The following NAPSA variants were observed in gnomAD, a reference collection of about 807,000 sequenced individuals.
The protein encoded by NAPSA is napsin-A.
Under a neutral mutation model 36.7 loss-of-function variants are expected in NAPSA, and 37 were observed. The ratio of observed to expected loss-of-function variants is 1.01; its 90% CI spans 0.78 to 1.33. The LOEUF (loss-of-function observed/expected upper bound fraction) is 1.33. NAPSA is among the 40% of genes most tolerant of loss of function. The pLI, the probability that NAPSA is intolerant of heterozygous loss-of-function variation, is 0.00. For missense variants in NAPSA, 532 were observed against 543.8 expected, an observed-to-expected ratio of 0.98 and a Z score of 0.21; for synonymous variants, 222 against 234.5, an observed-to-expected ratio of 0.95 and a Z score of 0.49.
upstream of NAPSA, chr19:50,365,701 A>C: frequency 1.6e-6 from 2 of 1,215,984 alleles, no homozygotes; most frequent in African/African-American, 1.5e-5. Flanking sequence ...TTCATGCCCC[A>C]CCTCCAGGTT....
At position 50,364,771 on chromosome 19, in the gene NAPSA, T is replaced by G. The variant is rs149089971; in HGVS notation, c.83+768A>C. On this transcript the variant is annotated intron_variant, in intron 1 of 8. Coordinates refer to ENST00000253719, the MANE Select transcript of NAPSA (RefSeq NM_004851.3). ...ACTTTTGGAGGCTGAGGCGGAAAGATCACTTGAGGTCAGGAGTTCAAGACA... is the reference window on the plus strand; with the variant it reads ...ACTTTTGGAGGCTGAGGCGGAAAGAGCACTTGAGGTCAGGAGTTCAAGACA... Among the ~76,000 whole-genome samples the G allele has an allele frequency of 6.7e-5, 10 of 150,164 alleles. No individual in the cohort carries two copies. The East Asian group carries it at 1.8e-3, about 27-fold the overall frequency.
At chr19:50,362,481 C>A (rs1474869807) in intron 1 of NAPSA, 168 bp from the exon 2 acceptor site, 1 of 558,078 alleles carries the variant, frequency 1.8e-6, no homozygotes, top group East Asian at 3.1e-5. Flanking sequence ...ATCAAAGATG[C>A]CATGATGACA....
At chr19:50,366,567 T>C (rs971157889), upstream of NAPSA, among the ~76,000 whole-genome samples, 3 of 152,182 alleles carry the variant, frequency 2.0e-5, no homozygotes, top group Admixed American at 6.5e-5. Context: ...TGGTGGCTTA[T>C]TTGATTTGTT....
Position 50,362,022 on chromosome 19 carries a change from G to A in NAPSA, c.296C>T (p.Ser99Phe), listed in dbSNP as rs776944945. The change falls in exon 3 of 9, where the codon TCC (serine) becomes TTC (phenylalanine). Residue 99 changes from serine (S) to phenylalanine (F), a missense_variant. Physicochemically the swap from Ser to Phe is radical, Grantham distance 155 (BLOSUM62 -2). Transcript: ENST00000253719. ...CCTGGACGGGACCCAGAGATTGGAGGAGCCAGTGTCAAAGGCAACAGTGAA... is the reference window on the plus strand; with the variant it reads ...CCTGGACGGGACCCAGAGATTGGAGAAGCCAGTGTCAAAGGCAACAGTGAA... Reference protein sequence around the residue: ...QNFTVAFDTGSSNLWVPSRRC... With the variant: ...QNFTVAFDTGFSNLWVPSRRC... 3.1e-6 allele frequency: 5 copies of A among 1,610,742 alleles called. No homozygotes were observed. The highest frequency in any genetic ancestry group is 3.4e-5 in the Admixed American group (2 of 59,436).
chr19:50,358,830 A>C, intron 8 of NAPSA, 50 bp from the exon 9 acceptor site: 1 of 1,525,876 alleles, frequency 6.6e-7, no homozygotes, highest in Non-Finnish European at 8.9e-7. Flanking sequence ...AAGGACGGCC[A>C]TTTGCCTGGG....
chr19:50,362,482 C>T (rs976480523), intron 1 of NAPSA, 169 bp from the exon 2 acceptor site: 4 of 558,204 alleles, frequency 7.2e-6, no homozygotes, highest in Non-Finnish European at 1.2e-5. Flanking sequence ...TCAAAGATGC[C>T]ATGATGACAA....
upstream of NAPSA, among the ~76,000 whole-genome samples, chr19:50,368,141 G>C (rs931141101): frequency 5.5e-5 from 7 of 127,062 alleles, no homozygotes; most frequent in Middle Eastern, 5.4e-3. Context: ...CTGGGCGACA[G>C]AGCAAGACTC....
At chr19:50,358,984 T>C (rs201527551) in intron 8 of NAPSA, 27 bp downstream of exon 8, 1 of 1,563,464 alleles carries the variant, frequency 6.4e-7, no homozygotes, top group East Asian at 2.2e-5. Context: ...ATGACGTCAC[T>C]ATGGCGTCAT....
intron 4 of NAPSA, 89 bp from the exon 5 acceptor site, chr19:50,361,229 G>A: frequency 8.6e-7 from 1 of 1,160,750 alleles, no homozygotes; most frequent in African/African-American, 1.5e-5. Flanking sequence ...ATGAATCCTA[G>A]GTCTGGGGAC....
chr19:50,361,400 CCT>C (rs1208884000), intron 4 of NAPSA: 2 of 586,788 alleles, frequency 3.4e-6, no homozygotes, highest in Admixed American at 6.2e-5. Flanking sequence ...GGAAGCTCCT[CCT>C]CCCTGCTTGA....
chr19:50,359,048 A>G lies in NAPSA; in HGVS notation c.998T>C (p.Val333Ala). 6.2e-7 allele frequency: 1 copy of G among 1,613,308 alleles called. No homozygotes were observed. The highest frequency in any genetic ancestry group is 8.5e-7 in the Non-Finnish European group (1 of 1,179,794). ...ATCATGGGCCGTGAGGTTAAACCAGACCCCCCCAAGAAGGAAGGAGACTGC... is the reference window on the plus strand; with the variant it reads ...ATCATGGGCCGTGAGGTTAAACCAGGCCCCCCCAAGAAGGAAGGAGACTGC... ...LPAVSFLLGG[V>A]WFNLTAHDYV... Residue 333 changes from valine to alanine, a missense_variant, in exon 8 of 9, where the codon GTC becomes GCC. By Grantham distance (64) the Val-to-Ala change is moderately conservative (BLOSUM62 0). Transcript: ENST00000253719.
rs1316851888 is a variant in NAPSA at position 50,359,599 on chromosome 19, G to A, written c.840C>T (p.Ala280=). 1 of 1,614,232 alleles carries A rather than the reference G, an allele frequency of 6.2e-7. No homozygotes were observed. The highest frequency in any genetic ancestry group is 8.5e-7 in the Non-Finnish European group (1 of 1,180,042). ...GLTLCAKGCA[A]ILDTGTSLIT... is the part of the protein sequence containing the mutation. ...TGAGGGACGTGCCCGTATCCAGGAT[G>A]GCAGCACAGCCCTTGGCACAGAGAG... Residue 280 remains alanine (A), a synonymous_variant, in exon 7 of 9, where the codon GCC becomes GCT. Transcript: ENST00000253719.
intron 5 of NAPSA, among the ~76,000 whole-genome samples, chr19:50,360,717 A>T (rs2037460121): frequency 6.6e-6 from 1 of 152,146 alleles, no homozygotes; most frequent in Non-Finnish European, 1.5e-5. Context: ...TTGTCATTTA[A>T]GCTCTGGGAC....
chr19:50,364,718 C>A (rs1030032753), intron 1 of NAPSA, among the ~76,000 whole-genome samples: 2 of 149,966 alleles, frequency 1.3e-5, no homozygotes, highest in African/African-American at 5.0e-5. Context: ...TGGGACCGGA[C>A]GCGGGGGCTC....
chr19:50,366,347 G>A (rs138340767), upstream of NAPSA, among the ~76,000 whole-genome samples: 1,380 of 152,106 alleles, frequency 9.1e-3, 20 homozygotes, highest in African/African-American at 0.03. Context: ...TGATCCGCCC[G>A]CCTCAGCCTC....
chr19:50,367,549 C>CCTCTCTCTCTCTCTCT (rs779681679), upstream of NAPSA, among the ~76,000 whole-genome samples: 9 of 132,972 alleles, frequency 6.8e-5, no homozygotes, highest in African/African-American at 1.9e-4. Flanking sequence ...TCTCTCTCTC[C>CCTCTCTCTCTCTCTCT]CTCTCTCTCT....
upstream of NAPSA, among the ~76,000 whole-genome samples, chr19:50,367,217 T>C (rs1312757068): frequency 6.6e-6 from 1 of 152,254 alleles, no homozygotes; most frequent in Non-Finnish European, 1.5e-5. Flanking sequence ...GTGATCTTCC[T>C]GCTTCAGCCT....
chr19:50,364,714 C>T (rs964593446), intron 1 of NAPSA, among the ~76,000 whole-genome samples: 16 of 150,718 alleles, frequency 1.1e-4, no homozygotes, highest in African/African-American at 3.2e-4. Flanking sequence ...GCTCTGGGAC[C>T]GGACGCGGGG....
At chr19:50,367,691 T>G (rs575817344), upstream of NAPSA, among the ~76,000 whole-genome samples, 2 of 152,108 alleles carry the variant, frequency 1.3e-5, no homozygotes, top group Admixed American at 6.6e-5. Flanking sequence ...CATGGCCTCC[T>G]GTAACCACGA....
Sources: gnomAD v4.1 joint callset for allele counts (sites outside exome capture counted in the v4.1 genomes callset) on GRCh38, gnomAD v4.1.1 for gene constraint, MANE v1.5 for transcripts, NCBI Gene and HGNC (gene_info 2026-07-23, HGNC 2026-07-21) for gene names.